Variants in TENM4 observed in about 807,000 individuals in gnomAD.
TENM4 encodes teneurin-4.
Under a neutral mutation model 243.3 loss-of-function variants are expected in TENM4, and 82 were observed. The observed-to-expected ratio is 0.34, with a 90% CI of 0.28 to 0.40. The LOEUF (loss-of-function observed/expected upper bound fraction) is 0.40, where lower values mean the gene tolerates loss of function less well. Among genes scored for constraint, TENM4 ranks in the 10% least tolerant of loss-of-function variants. The probability of loss-of-function intolerance (pLI) is 1.00; values close to 1 mark genes in which losing one functional copy is unlikely to be tolerated. For missense variants in TENM4, 3,138 were observed against 3,673.3 expected, an observed-to-expected ratio of 0.85 and a Z score of 3.77; for synonymous variants, 1,412 against 1,456.3, an observed-to-expected ratio of 0.97 and a Z score of 0.69.
rs75122747 is a variant in TENM4 at position 79,381,688 on chromosome 11, C to T, written c.-321+58821G>A. ...CTGTGATATCCGACGTTCACTTGAG[C>T]GCTGTTTGGCACGGTACAAAGCTCT... On this transcript the variant is annotated intron_variant, in intron 1 of 33. Coordinates refer to ENST00000278550, the MANE Select transcript of TENM4 (RefSeq NM_001098816.3). Among the ~76,000 whole-genome samples the T allele has an allele frequency of 6.6e-5, 10 of 151,228 alleles. 1 individual carries two copies. Among genetic ancestry groups the T allele is most frequent in the Non-Finnish European group, 1.3e-4 (9 of 67,906 alleles).
At chr11:78,715,523 C>G (rs1590962274) in intron 25 of TENM4, among the ~76,000 whole-genome samples, 1 of 152,158 alleles carries the variant, frequency 6.6e-6, no homozygotes, top group African/African-American at 2.4e-5. Context: ...AATTCCAGGA[C>G]AGGGTGGCAT....
At chr11:78,933,803 A>G (rs537144985) in intron 6 of TENM4, among the ~76,000 whole-genome samples, 9 of 152,292 alleles carry the variant, frequency 5.9e-5, no homozygotes, top group Non-Finnish European at 1.0e-4. Flanking sequence ...CCTCTGGAGA[A>G]GAAAGAACAT....
chr11:78,827,403 A>G (rs114221529), intron 12 of TENM4, among the ~76,000 whole-genome samples: 3 of 152,160 alleles, frequency 2.0e-5, no homozygotes, highest in Non-Finnish European at 2.9e-5. Flanking sequence ...CCCACTGCTC[A>G]TAACTTTACC....
chr11:78,661,662 C>T (rs1858033480), intron 32 of TENM4, 71 bp from the exon 33 acceptor site: 10 of 1,566,838 alleles, frequency 6.4e-6, no homozygotes, highest in Non-Finnish European at 8.7e-6. Flanking sequence ...CCCCATCTCA[C>T]AGCCTACAGT....
rs187855664 is a variant in TENM4 at position 79,058,151 on chromosome 11, G to C, written c.493+6587C>G. Among the ~76,000 whole-genome samples the C allele has an allele frequency of 3.4e-4, 52 of 152,242 alleles. No homozygotes were observed. In the East Asian group the frequency reaches 8.1e-3, roughly 24 times the overall value. The stretch of plus-strand genomic sequence containing the variant: ...ATATTGACAAAGAAGTTTATATTCT[G>C]GATATAGCTAGAAGCATCTCTAGCA... On this transcript the variant is annotated intron_variant, in intron 6 of 33. Transcript: ENST00000278550.
chr11:79,162,052 A>G (rs1226311980), intron 3 of TENM4, among the ~76,000 whole-genome samples: 1 of 152,216 alleles, frequency 6.6e-6, no homozygotes, highest in East Asian at 1.9e-4. Flanking sequence ...TGGCCTATGA[A>G]GTGGCCTATG....
chr11:78,657,557 C>G lies in TENM4; in HGVS notation c.*501G>C. ...CTGCAGGAGCCCTGCCAAGGAGCCTCAGGTCCTACAGACCCTCCTCCCAGG... is the reference window on the plus strand; with the variant it reads ...CTGCAGGAGCCCTGCCAAGGAGCCTGAGGTCCTACAGACCCTCCTCCCAGG... On this transcript the variant is annotated 3_prime_UTR_variant, in exon 34 of 34. Transcript: ENST00000278550. 3.9e-6 allele frequency: 1 copy of G among 257,512 alleles called. No individual in the cohort carries two copies. Among genetic ancestry groups the G allele is most frequent in the Non-Finnish European group, 7.4e-6 (1 of 135,838 alleles). The allele number at this position is 257,512 out of a possible 1,614,324, so 16.0% of individuals were successfully genotyped here. A position where few individuals can be genotyped will look rare whatever the true frequency, so the allele number is the denominator to read the frequency against.
chr11:78,973,549 T>C (rs1018158698), intron 6 of TENM4, among the ~76,000 whole-genome samples: 1 of 152,172 alleles, frequency 6.6e-6, no homozygotes, highest in African/African-American at 2.4e-5. Flanking sequence ...AAAGTGTAAG[T>C]ACTGCTTTTT....
chr11:79,347,579 A>T (rs1042521519), intron 1 of TENM4, among the ~76,000 whole-genome samples: 4 of 152,064 alleles, frequency 2.6e-5, no homozygotes, highest in Non-Finnish European at 5.9e-5. Context: ...CACTGTTTGC[A>T]GTAGGGCCCC....
At position 78,723,865 on chromosome 11, in the gene TENM4, G is replaced by A. The variant is rs147065227; in HGVS notation, c.3551-948C>T. Among the ~76,000 whole-genome samples, 921 of 152,190 alleles carry A rather than the reference G, an allele frequency of 6.1e-3. 15 individuals are homozygous for A. Among genetic ancestry groups the A allele is most frequent in the African/African-American group, 0.021 (877 of 41,526 alleles). ...TTCAATGGATAGCTTTAATTTTTAC[G>A]TACTCTAATCAATCATTTTTCTACC... is the stretch of plus-strand genomic sequence containing the variant. On this transcript the variant is annotated intron_variant, in intron 23 of 33. Coordinates refer to ENST00000278550, the MANE Select transcript of TENM4 (RefSeq NM_001098816.3).
chr11:79,180,057 T>C (rs1314926764), intron 3 of TENM4, among the ~76,000 whole-genome samples: 1 of 151,778 alleles, frequency 6.6e-6, no homozygotes, highest in African/African-American at 2.4e-5. Context: ...GCAGTTTTAA[T>C]GGTGCTATTT....
At chr11:79,316,399 A>C (rs996697765) in intron 1 of TENM4, among the ~76,000 whole-genome samples, 2 of 152,212 alleles carry the variant, frequency 1.3e-5, no homozygotes, top group Non-Finnish European at 1.5e-5. Flanking sequence ...GATTGAATGA[A>C]TATCAAATGA....
At chr11:79,381,698 C>T (rs965354771) in intron 1 of TENM4, among the ~76,000 whole-genome samples, 4 of 151,636 alleles carry the variant, frequency 2.6e-5, no homozygotes, top group African/African-American at 9.7e-5. Flanking sequence ...CGCTGTTTGG[C>T]ACGGTACAAA....
At chr11:79,136,686 A>G (rs1862116775) in intron 4 of TENM4, among the ~76,000 whole-genome samples, 2 of 152,144 alleles carry the variant, frequency 1.3e-5, no homozygotes, top group African/African-American at 4.8e-5. Flanking sequence ...CCTTCACGCA[A>G]TGCTTCTGCC....
chr11:79,084,940 T>C (rs1860769734), intron 4 of TENM4, among the ~76,000 whole-genome samples: 1 of 152,202 alleles, frequency 6.6e-6, no homozygotes. Flanking sequence ...ATCCTGCTTG[T>C]GTTATCTGTT....
chr11:79,076,619 TC>T (rs1330550969), intron 4 of TENM4, among the ~76,000 whole-genome samples: 1 of 152,110 alleles, frequency 6.6e-6, no homozygotes, highest in Non-Finnish European at 1.5e-5. Flanking sequence ...CCAAACCATA[TC>T]AGTATTTTTT....
At chr11:79,192,694 C>G (rs1361021628) in intron 3 of TENM4, among the ~76,000 whole-genome samples, 1 of 151,776 alleles carries the variant, frequency 6.6e-6, no homozygotes, top group Non-Finnish European at 1.5e-5. Flanking sequence ...CCACTAGTGT[C>G]CTATGACCCT....
chr11:78,686,547 T>C (rs879579333), intron 29 of TENM4, among the ~76,000 whole-genome samples: 2 of 103,646 alleles, frequency 1.9e-5, no homozygotes, highest in Non-Finnish European at 3.9e-5. Context: ...ATAGATGGGG[T>C]GGGGTTGGGG....
intron 4 of TENM4, among the ~76,000 whole-genome samples, chr11:79,132,816 C>A (rs1326186710): frequency 6.6e-6 from 1 of 152,072 alleles, no homozygotes; most frequent in African/African-American, 2.4e-5. Flanking sequence ...AATGACACAA[C>A]CTATCAACAC....
Sources: gnomAD v4.1 joint callset for allele counts (sites outside exome capture counted in the v4.1 genomes callset) on GRCh38, gnomAD v4.1.1 for gene constraint, MANE v1.5 for transcripts, NCBI Gene and HGNC (gene_info 2026-07-23, HGNC 2026-07-21) for gene names.